Variants in RAI14 observed in about 807,000 individuals in gnomAD.
The protein encoded by RAI14 is retinoic acid induced 14.
In RAI14, 45 loss-of-function variants were observed where a neutral mutation model predicts 115.4. The ratio of observed to expected loss-of-function variants is 0.39; its 90% confidence interval spans 0.31 to 0.50. The LOEUF is 0.50. Ranked by LOEUF, RAI14 falls within the 20% of genes least tolerant of loss-of-function variation. The pLI is 0.85. For synonymous variants in RAI14, 371 were observed against 415.4 expected (o/e 0.89, Z 1.30); for missense variants, 939 against 1,131.2 (o/e 0.83, Z 2.44).
intron 3 of RAI14, among the ~76,000 whole-genome samples, chr5:34,776,949 A>G (rs1239719072): frequency 6.6e-6 from 1 of 152,126 alleles, no homozygotes; most frequent in Admixed American, 6.5e-5. Flanking sequence ...TGGGAGGATC[A>G]CTTGAGGTCA....
intron 3 of RAI14, among the ~76,000 whole-genome samples, chr5:34,773,188 G>A (rs988603900): frequency 6.6e-6 from 1 of 152,092 alleles, no homozygotes; most frequent in African/African-American, 2.4e-5. Context: ...TAAATAGTGT[G>A]GGAAAATTGG....
intron 2 of RAI14, among the ~76,000 whole-genome samples, chr5:34,714,219 T>C (rs1285930009): frequency 1.3e-5 from 2 of 152,260 alleles, no homozygotes; most frequent in Non-Finnish European, 2.9e-5. Context: ...ATTACCATAT[T>C]TCTAATTTTT....
chr5:34,686,276 T>G (rs1345794222), intron 1 of RAI14: 1 of 132,446 alleles, frequency 7.6e-6, no homozygotes, highest in African/African-American at 2.9e-5. Context: ...TATAGAAATC[T>G]AAGAAGGTCC....
intron 2 of RAI14, among the ~76,000 whole-genome samples, chr5:34,694,696 C>G (rs1739010769): frequency 6.6e-6 from 1 of 152,132 alleles, no homozygotes; most frequent in African/African-American, 2.4e-5. Context: ...GGCTGGTTAG[C>G]TGGAAAGTGT....
chr5:34,788,767 C>T (rs531384330), intron 3 of RAI14, among the ~76,000 whole-genome samples: 214 of 152,014 alleles, frequency 1.4e-3, no homozygotes, highest in Non-Finnish European at 2.7e-3. Flanking sequence ...GTCAGGAGTT[C>T]GAGACCAGCC....
At chr5:34,752,747 GTGTATA>G (rs1217225421) in intron 2 of RAI14, among the ~76,000 whole-genome samples, 75 of 109,550 alleles carry the variant, frequency 6.8e-4, no homozygotes, top group Middle Eastern at 4.7e-3. Flanking sequence ...GTGTGTGTGT[GTGTATA>G]TATATATATA....
chr5:34,815,008 AG>A (rs375370015), intron 12 of RAI14, among the ~76,000 whole-genome samples: 60 of 152,242 alleles, frequency 3.9e-4, no homozygotes, highest in African/African-American at 1.3e-3. Flanking sequence ...GCACTTTGGG[AG>A]GCCAAGGTGG....
At chr5:34,799,734 C>A (rs1444041379) in intron 4 of RAI14, among the ~76,000 whole-genome samples, 1 of 133,502 alleles carries the variant, frequency 7.5e-6, no homozygotes, top group Non-Finnish European at 1.5e-5. Flanking sequence ...GTCTCCCAGG[C>A]TGAAGTGCAG....
rs1234348343 is a variant in RAI14 at position 34,686,912 on chromosome 5, C to A, written c.-8C>A. The A allele has an allele frequency of 1.1e-5, 18 of 1,613,292 alleles. No individual in the cohort carries two copies. The highest frequency in any genetic ancestry group is 1.4e-5 in the Non-Finnish European group (16 of 1,179,656). On this transcript the variant is annotated 5_prime_UTR_variant, in exon 2 of 18. Transcript: ENST00000265109. ...CTCTAGAGCTTTGGAAGGCTGAATGCACTAAACATGAAGAGCTTGAAAGCG... is the reference window on the plus strand; with the variant it reads ...CTCTAGAGCTTTGGAAGGCTGAATGAACTAAACATGAAGAGCTTGAAAGCG...
chr5:34,667,992 C>T (rs1181518455), intron 1 of RAI14, among the ~76,000 whole-genome samples: 6 of 152,086 alleles, frequency 3.9e-5, no homozygotes, highest in Admixed American at 2.0e-4. Flanking sequence ...CTTCTGTTGC[C>T]GAGACAGGAG....
chr5:34,813,962 A>G (rs548343859), intron 11 of RAI14, among the ~76,000 whole-genome samples: 9 of 152,304 alleles, frequency 5.9e-5, no homozygotes, highest in African/African-American at 2.2e-4. Flanking sequence ...AGTTCAATTT[A>G]TTTTTAGTTC....
chr5:34,775,367 A>G (rs910366689), intron 3 of RAI14, among the ~76,000 whole-genome samples: 13 of 152,328 alleles, frequency 8.5e-5, no homozygotes, highest in African/African-American at 2.6e-4. Flanking sequence ...CCATCTGACA[A>G]GGGATTAACA....
chr5:34,689,297 C>T (rs890753841), intron 2 of RAI14, among the ~76,000 whole-genome samples: 4 of 151,898 alleles, frequency 2.6e-5, no homozygotes, highest in Non-Finnish European at 5.9e-5. Context: ...TCCAGCTACT[C>T]GGGAGGCTGA....
Position 34,813,626 on chromosome 5 carries a change from G to T in RAI14, c.818G>T (p.Arg273Leu). The change falls in exon 11 of 18, where the codon CGC (arginine) becomes CTC (leucine). Residue 273 changes from arginine (R) to leucine (L), a missense_variant. By Grantham distance (102) the Arg-to-Leu change is moderately radical. Coordinates refer to ENST00000265109, the MANE Select transcript of RAI14 (RefSeq NM_015577.3). ...GAAAGAAGTGGAACTCCAAAAAAACGCAAAGCTCCACCACCTCCTATCAGT... is the reference window on the plus strand; with the variant it reads ...GAAAGAAGTGGAACTCCAAAAAAACTCAAAGCTCCACCACCTCCTATCAGT... ...SSERSGTPKKRKAPPPPISPT... is the reference protein window; with the variant it reads ...SSERSGTPKKLKAPPPPISPT... 1 of 1,613,260 alleles carries T rather than the reference G, an allele frequency of 6.2e-7. No homozygotes were observed. The highest frequency in any genetic ancestry group is 8.5e-7 in the Non-Finnish European group (1 of 1,179,528).
intron 2 of RAI14, among the ~76,000 whole-genome samples, chr5:34,742,519 C>CT (rs1243918050): frequency 8.6e-5 from 13 of 151,164 alleles, no homozygotes; most frequent in Admixed American, 2.0e-4. Context: ...TAAACAATTG[C>CT]TTTTTTTTTA....
Position 34,823,009 on chromosome 5 carries a change from C to T in RAI14, c.1167C>T (p.Ser389=), listed in dbSNP as rs1006062304. The T allele has an allele frequency of 1.9e-6, 3 of 1,614,030 alleles. No homozygotes were observed. The highest frequency in any genetic ancestry group is 2.7e-5 in the African/African-American group (2 of 75,006). ...ACCTAAGCTTTGACTCATACCATTC[C>T]ACCCAAACTGACTTGGGCCCATCCC... is the stretch of plus-strand genomic sequence containing the variant. The part of the protein sequence containing the change: ...EADLSFDSYH[S]TQTDLGPSLG... Residue 389 remains serine, a synonymous_variant, in exon 15 of 18, where the codon TCC becomes TCT. Coordinates refer to ENST00000265109, the MANE Select transcript of RAI14 (RefSeq NM_015577.3). The surrounding 1 kb of genome is among the most constrained non-coding windows in gnomAD (Gnocchi z 4.5).
chr5:34,735,536 G>A (rs764136310), intron 2 of RAI14, among the ~76,000 whole-genome samples: 4 of 152,100 alleles, frequency 2.6e-5, no homozygotes, highest in African/African-American at 9.7e-5. Flanking sequence ...ATATTACTTG[G>A]CATTTACAAA....
At chr5:34,790,248 T>A (rs187717132) in intron 3 of RAI14, among the ~76,000 whole-genome samples, 166 of 152,324 alleles carry the variant, frequency 1.1e-3, no homozygotes, top group African/African-American at 3.7e-3. Flanking sequence ...GGGAATAAAC[T>A]GAGTGAGCCT....
At chr5:34,688,208 A>C in intron 2 of RAI14, 1 of 1,551,488 alleles carries the variant, frequency 6.4e-7, no homozygotes, top group East Asian at 2.4e-5. Context: ...TATGTTATGC[A>C]GCCTACATAT....
Sources: gnomAD v4.1 joint callset for allele counts (sites outside exome capture counted in the v4.1 genomes callset) on GRCh38, gnomAD v4.1.1 for gene constraint, Gnocchi (gnomAD v3.1) non-coding constraint, MANE v1.5 for transcripts, NCBI Gene and HGNC (gene_info 2026-07-23, HGNC 2026-07-21) for gene names.